Variants in KANK1 observed in about 807,000 individuals in gnomAD.
The protein encoded by KANK1 is KN motif and ankyrin repeat domains 1.
A neutral mutation model predicts 106.2 loss-of-function variants in KANK1; 109 were observed. The ratio of observed to expected loss-of-function variants is 1.03; its 90% CI spans 0.88 to 1.20. KANK1 has a LOEUF of 1.20. Ranked by LOEUF, KANK1 falls within the 50% of genes most tolerant of loss-of-function variation. The probability of loss-of-function intolerance (pLI) is 0.00; values close to 1 mark genes in which losing one functional copy is unlikely to be tolerated. For synonymous variants in KANK1, 873 were observed against 652.2 expected, an observed-to-expected ratio of 1.34 and a Z score of -5.16; for missense variants, 2,399 against 1,710.7, an observed-to-expected ratio of 1.40 and a Z score of -7.10.
At chr9:563,540 T>G (rs778983166) in intron 1 of KANK1, among the ~76,000 whole-genome samples, 13 of 152,248 alleles carry the variant, frequency 8.5e-5, no homozygotes, top group Admixed American at 2.0e-4. Flanking sequence ...TACTTTGCAT[T>G]GTTGAAACAA....
chr9:641,751 G>C (rs16921587), intron 1 of KANK1, among the ~76,000 whole-genome samples: 5,621 of 152,142 alleles, frequency 0.037, 354 homozygotes, highest in African/African-American at 0.13. Context: ...TTAACCTTCA[G>C]CTACCAGCTT....
At chr9:652,201 A>G in intron 1 of KANK1, among the ~76,000 whole-genome samples, 1 of 152,194 alleles carries the variant, frequency 6.6e-6, no homozygotes, top group East Asian at 1.9e-4. Context: ...ACAGAAAGCT[A>G]TATGTAGAAG....
Position 742,215 on chromosome 9 carries a change from C to T in KANK1, c.3707C>T (p.Thr1236Met), listed in dbSNP as rs776568652. The change falls in exon 10 of 12, where the codon ACG becomes ATG. Residue 1236 changes from threonine (T) to methionine (M), a missense_variant. Transcript: ENST00000382297. ...VNAKASQAGQ[T>M]ALMLAVSHGR... is the part of the protein sequence containing the mutation. ...CATCTCTTCCCATAGGCGGGACAGACGGCCCTCATGCTGGCGGTCAGTCAC... is the reference window on the plus strand; with the variant it reads ...CATCTCTTCCCATAGGCGGGACAGATGGCCCTCATGCTGGCGGTCAGTCAC... 12 of 1,613,920 alleles carry T rather than the reference C, an allele frequency of 7.4e-6. No individual in the cohort carries two copies. The highest frequency in any genetic ancestry group is 1.6e-4 in the Middle Eastern group (1 of 6,084).
At chr9:635,454 AT>A (rs2136954981) in intron 1 of KANK1, among the ~76,000 whole-genome samples, 1 of 152,186 alleles carries the variant, frequency 6.6e-6, no homozygotes, top group Non-Finnish European at 1.5e-5. Context: ...CCCTGACTTT[AT>A]TTGTGCAAAC....
At chr9:637,362 C>A (rs1296035533) in intron 1 of KANK1, among the ~76,000 whole-genome samples, 14 of 152,138 alleles carry the variant, frequency 9.2e-5, no homozygotes. Context: ...TAGGGTGGCA[C>A]TTGTATAGCC....
intron 3 of KANK1, among the ~76,000 whole-genome samples, chr9:722,989 A>G (rs1247775143): frequency 1.3e-5 from 2 of 152,200 alleles, no homozygotes; most frequent in Non-Finnish European, 2.9e-5. Flanking sequence ...TTGGAATGGT[A>G]TCATAGAAAA....
chr9:577,003 C>G (rs1263058303), intron 1 of KANK1, among the ~76,000 whole-genome samples: 1 of 152,094 alleles, frequency 6.6e-6, no homozygotes, highest in Non-Finnish European at 1.5e-5. Context: ...CAGATGAGTC[C>G]TTAGTTTCTT....
intron 1 of KANK1, among the ~76,000 whole-genome samples, chr9:582,155 G>A (rs1822326442): frequency 6.6e-6 from 1 of 152,166 alleles, no homozygotes. Context: ...GCAGTCTCCT[G>A]TGGCCAGTTC....
At chr9:668,385 A>G (rs1486806747) in intron 1 of KANK1, among the ~76,000 whole-genome samples, 1 of 152,016 alleles carries the variant, frequency 6.6e-6, no homozygotes, top group African/African-American at 2.4e-5. Context: ...TGTTTGCTTT[A>G]TATACTTGGG....
chr9:496,503 G>C (rs2058461193), intron 3 of KANK1, among the ~76,000 whole-genome samples: 1 of 152,212 alleles, frequency 6.6e-6, no homozygotes, highest in Admixed American at 6.5e-5. Flanking sequence ...GTTGCAGTGA[G>C]CTGAGATCGT....
At chr9:607,047 T>A (rs1829379198) in intron 1 of KANK1, among the ~76,000 whole-genome samples, 1 of 151,784 alleles carries the variant, frequency 6.6e-6, no homozygotes, top group African/African-American at 2.4e-5. Context: ...ATTTTATGTT[T>A]TCTTGGGTTA....
At chr9:645,455 A>T (rs1370236232) in intron 1 of KANK1, among the ~76,000 whole-genome samples, 1 of 149,836 alleles carries the variant, frequency 6.7e-6, no homozygotes, top group East Asian at 1.9e-4. Flanking sequence ...AAAAAAAAAA[A>T]AAAAAAGGCC....
intron 1 of KANK1, among the ~76,000 whole-genome samples, chr9:546,666 C>G (rs1001786167): frequency 1.3e-5 from 2 of 151,878 alleles, no homozygotes; most frequent in African/African-American, 4.8e-5. Flanking sequence ...CTCTCCCACC[C>G]CCACTCCCCC....
At chr9:701,970 C>T (rs893668706) in intron 2 of KANK1, among the ~76,000 whole-genome samples, 2 of 152,112 alleles carry the variant, frequency 1.3e-5, no homozygotes, top group East Asian at 3.8e-4. Flanking sequence ...GTTCTTGAGG[C>T]AGTAAATTGG....
Position 677,060 on chromosome 9 carries a change from C to G in KANK1, c.37+51C>G, listed in dbSNP as rs368612688. On this transcript the variant is annotated intron_variant, in intron 2 of 11. Transcript: ENST00000382297. ...TGTTAAATGTATGTCTTTTCTCAAA[C>G]TAATTTTTTATTCTCTTTAATAATG... The G allele has an allele frequency of 7.3e-5, 112 of 1,527,664 alleles. No individual in the cohort carries two copies. In the African/African-American group the frequency reaches 1.4e-3, roughly 19 times the overall value. The allele number at this position is 1,527,664 out of a possible 1,614,324, so 94.6% of individuals were successfully genotyped here. A position where few individuals can be genotyped will look rare whatever the true frequency, so the allele number is the denominator to read the frequency against.
intron 2 of KANK1, among the ~76,000 whole-genome samples, chr9:708,148 ATGGAATT>A: frequency 2.7e-5 from 1 of 36,506 alleles, no homozygotes; most frequent in African/African-American, 1.2e-4. Flanking sequence ...TCTCCTGTTA[ATGGAATT>A]TCAGACAGTC....
intron 1 of KANK1, among the ~76,000 whole-genome samples, chr9:664,703 T>C (rs899589527): frequency 9.2e-5 from 14 of 152,244 alleles, no homozygotes; most frequent in African/African-American, 3.1e-4. Context: ...GTAGTGGAAT[T>C]GCTGGATCAT....
rs10122162 is a variant in KANK1, at chr9:530,171, G to A, written c.-84+25417G>A. Among the ~76,000 whole-genome samples, 1,457 of 152,240 alleles carry A rather than the reference G, an allele frequency of 9.6e-3. 28 individuals are homozygous for A. Among genetic ancestry groups the A allele is most frequent in the African/African-American group, 0.034 (1,409 of 41,552 alleles). On this transcript the variant is annotated intron_variant, in intron 1 of 11. Transcript: ENST00000382297. Reference sequence around the variant, plus strand: ...TAAGCCCCTCATGTGATAAGAATTGGAGTTGTTTGCAGTTTGTTCATCTTT... The same window carrying A: ...TAAGCCCCTCATGTGATAAGAATTGAAGTTGTTTGCAGTTTGTTCATCTTT...
At chr9:566,033 T>G (rs1048516924) in intron 1 of KANK1, among the ~76,000 whole-genome samples, 1 of 152,170 alleles carries the variant, frequency 6.6e-6, no homozygotes, top group African/African-American at 2.4e-5. Context: ...CACCCTCCAT[T>G]AGGCTGCAGT....
Sources: gnomAD v4.1 joint callset for allele counts (sites outside exome capture counted in the v4.1 genomes callset) on GRCh38, gnomAD v4.1.1 for gene constraint, MANE v1.5 for transcripts, NCBI Gene and HGNC (gene_info 2026-07-23, HGNC 2026-07-21) for gene names.